Variants in IL1RAPL1 observed in about 807,000 individuals in gnomAD.
The protein encoded by IL1RAPL1 is interleukin 1 receptor accessory protein like 1.
IL1RAPL1 carries 3 observed loss-of-function variants against 48.4 expected under a neutral mutation model. That is an observed-to-expected ratio of 0.06 (90% CI 0.03 to 0.16). The LOEUF (loss-of-function observed/expected upper bound fraction) is 0.16. Among genes scored for constraint, IL1RAPL1 ranks in the 10% least tolerant of loss-of-function variants. The pLI is 1.00. For missense variants in IL1RAPL1, 349 were observed against 530.6 expected, an observed-to-expected ratio of 0.66 and a Z score of 3.36; for synonymous variants, 185 against 187.7, an observed-to-expected ratio of 0.99 and a Z score of 0.12.
chrX:29,160,573 A>G (rs761590845), intron 2 of IL1RAPL1, among the ~76,000 whole-genome samples: 2 of 112,384 alleles, frequency 1.8e-5, no homozygotes, highest in East Asian at 2.8e-4. Context: ...CCAAATTTCC[A>G]TTATATATCT....
At position 28,871,864 on chromosome X, in the gene IL1RAPL1, G is replaced by A. The variant is rs553916840; in HGVS notation, c.82+82439G>A. On this transcript the variant is annotated intron_variant, in intron 2 of 10. Coordinates refer to ENST00000378993, the MANE Select transcript of IL1RAPL1 (RefSeq NM_014271.4). The stretch of plus-strand genomic sequence containing the variant: ...TTATTTGAATTTAAGTTCTGATTCT[G>A]TTACTTCATTGTGATCAAAACTTGG... 4.7e-4 allele frequency among the ~76,000 whole-genome samples: 53 copies of A among 112,428 alleles called. No individual in the cohort carries two copies. The South Asian group carries it at 0.019, about 41-fold the overall frequency.
intron 2 of IL1RAPL1, among the ~76,000 whole-genome samples, chrX:28,862,245 TA>T (rs1325472534): frequency 1.8e-5 from 2 of 112,128 alleles, no homozygotes; most frequent in African/African-American, 6.5e-5. Flanking sequence ...TGAACACTCA[TA>T]GGGGACTATT....
intron 6 of IL1RAPL1, among the ~76,000 whole-genome samples, chrX:29,716,821 C>T (rs1484825819): frequency 9.0e-6 from 1 of 111,515 alleles, no homozygotes; most frequent in Non-Finnish European, 1.9e-5. Context: ...GAACAGAATT[C>T]TATTTAGTGT....
At chrX:29,588,898 A>G (rs140608104) in intron 5 of IL1RAPL1, among the ~76,000 whole-genome samples, 11 of 112,065 alleles carry the variant, frequency 9.8e-5, no homozygotes, top group Non-Finnish European at 1.9e-4. Flanking sequence ...CATTTAGGCT[A>G]CTTGGGTTCT....
chrX:28,830,027 G>A (rs1228979437), intron 2 of IL1RAPL1, among the ~76,000 whole-genome samples: 2 of 111,003 alleles, frequency 1.8e-5, no homozygotes, highest in Non-Finnish European at 3.8e-5. Context: ...ATATACTGCT[G>A]GATTCTATTT....
intron 2 of IL1RAPL1, among the ~76,000 whole-genome samples, chrX:29,274,788 T>C (rs993441399): frequency 1.1e-4 from 12 of 111,470 alleles, no homozygotes; most frequent in Non-Finnish European, 1.1e-4. Context: ...TTGAATCTGC[T>C]TTTGCTCCTC....
At chrX:29,839,148 G>A (rs28409616) in intron 6 of IL1RAPL1, among the ~76,000 whole-genome samples, 3,446 of 111,970 alleles carry the variant, frequency 0.031, 116 homozygotes, top group African/African-American at 0.11. Flanking sequence ...TGAAAAAATC[G>A]GGGGCCATTA....
intron 2 of IL1RAPL1, among the ~76,000 whole-genome samples, chrX:29,014,536 A>G (rs971559962): frequency 1.7e-4 from 19 of 111,177 alleles, no homozygotes; most frequent in Non-Finnish European, 3.6e-4. Flanking sequence ...TTGATTTTAT[A>G]TATAGTGATC....
intron 6 of IL1RAPL1, among the ~76,000 whole-genome samples, chrX:29,721,465 G>C (rs552083184): frequency 1.8e-5 from 2 of 110,921 alleles, no homozygotes; most frequent in Non-Finnish European, 3.8e-5. Context: ...TCATTGTTGA[G>C]TATTTTCTGG....
Position 29,155,184 on chromosome X carries a change from A to AT in IL1RAPL1, c.83-127747dup, listed in dbSNP as rs1471819505. Reference sequence around the variant, plus strand: ...CACCACATGCCACCACGCCTGGCTAATTTTTTTAGTGGAGACGGGGTTTCA... The same window carrying AT: ...CACCACATGCCACCACGCCTGGCTAATTTTTTTTAGTGGAGACGGGGTTTCA... On this transcript the variant is annotated intron_variant, in intron 2 of 10. Transcript: ENST00000378993. 7.3e-5 allele frequency among the ~76,000 whole-genome samples: 8 copies of AT among 109,624 alleles called. No individual in the cohort carries two copies. In the South Asian group the frequency reaches 1.2e-3, roughly 16 times the overall value.
intron 2 of IL1RAPL1, among the ~76,000 whole-genome samples, chrX:29,244,438 A>G (rs933641497): frequency 1.8e-5 from 2 of 112,379 alleles, no homozygotes; most frequent in African/African-American, 6.5e-5. Flanking sequence ...TGTTAATAGC[A>G]TTTTGATGGG....
chrX:28,979,470 A>C (rs147725405), intron 2 of IL1RAPL1, among the ~76,000 whole-genome samples: 376 of 112,154 alleles, frequency 3.4e-3, no homozygotes, highest in African/African-American at 0.011. Flanking sequence ...TTACACTTGA[A>C]ATATCCAGTC....
At chrX:28,867,213 T>C (rs894109175) in intron 2 of IL1RAPL1, among the ~76,000 whole-genome samples, 5 of 112,101 alleles carry the variant, frequency 4.5e-5, no homozygotes, top group Non-Finnish European at 7.5e-5. Flanking sequence ...CCATCTTTGC[T>C]TCAAGGTGTC....
chrX:29,326,027 C>T (rs1443449625), intron 3 of IL1RAPL1, among the ~76,000 whole-genome samples: 2 of 111,940 alleles, frequency 1.8e-5, no homozygotes, highest in Non-Finnish European at 3.8e-5. Flanking sequence ...CCACTAGGCC[C>T]CATCTCCAAC....
chrX:28,992,111 A>G (rs1376565298), intron 2 of IL1RAPL1, among the ~76,000 whole-genome samples: 1 of 112,277 alleles, frequency 8.9e-6, no homozygotes, highest in African/African-American at 3.2e-5. Context: ...GAACTAGGAA[A>G]TAAAGCCAAG....
At chrX:29,344,358 T>C (rs761603245) in intron 3 of IL1RAPL1, among the ~76,000 whole-genome samples, 18 of 112,350 alleles carry the variant, frequency 1.6e-4, no homozygotes, top group Non-Finnish European at 3.0e-4. Flanking sequence ...TATGGAATTA[T>C]ATTTTAACAT....
At chrX:28,787,685 C>T (rs1936488703) in intron 1 of IL1RAPL1, among the ~76,000 whole-genome samples, 1 of 111,408 alleles carries the variant, frequency 9.0e-6, no homozygotes, top group Non-Finnish European at 1.9e-5. Context: ...TGTGTTTTAA[C>T]AGACTTATTA....
Position 28,643,457 on chromosome X carries a change from C to T in IL1RAPL1, c.-25+55410C>T, listed in dbSNP as rs775238836. ...ATATCCTATTAGTTACAAGATGAAA[C>T]CTATTCAATGTGTGAGAAAACTACA... On this transcript the variant is annotated intron_variant, in intron 1 of 10. Transcript: ENST00000378993. Among the ~76,000 whole-genome samples, 9 of 110,942 alleles carry T rather than the reference C, an allele frequency of 8.1e-5. No homozygotes were observed. The Admixed American group carries it at 8.6e-4, about 11-fold the overall frequency.
chrX:28,764,473 T>C (rs1020390938), intron 1 of IL1RAPL1, among the ~76,000 whole-genome samples: 18 of 111,468 alleles, frequency 1.6e-4, no homozygotes, highest in South Asian at 7.5e-4. Flanking sequence ...GAGGCTGAGG[T>C]GGGCAGATCA....
Sources: gnomAD v4.1 joint callset for allele counts (sites outside exome capture counted in the v4.1 genomes callset) on GRCh38, gnomAD v4.1.1 for gene constraint, MANE v1.5 for transcripts, NCBI Gene and HGNC (gene_info 2026-07-23, HGNC 2026-07-21) for gene names.